Variants in ANO3 observed in about 807,000 individuals in gnomAD.
The protein encoded by ANO3 is anoctamin 3, also known as anoctamin-3.
ANO3 carries 99 observed loss-of-function variants against 144.8 expected under a neutral mutation model. The ratio of observed to expected loss-of-function variants is 0.68; its 90% CI spans 0.58 to 0.81. The LOEUF is 0.81. Among genes scored for constraint, ANO3 ranks in the 30% least tolerant of loss-of-function variants. The pLI, the probability that ANO3 is intolerant of heterozygous loss-of-function variation, is 0.00. For missense variants in ANO3, 905 were observed against 1,202.2 expected (o/e 0.75, Z 3.66); for synonymous variants, 414 against 392.6 (o/e 1.05, Z -0.64).
chr11:26,250,875 A>G (rs886925532), intron 1 of ANO3, among the ~76,000 whole-genome samples: 9 of 152,326 alleles, frequency 5.9e-5, no homozygotes, highest in African/African-American at 2.2e-4. Context: ...TCTACCTACT[A>G]AATATAGCTA....
upstream of ANO3, among the ~76,000 whole-genome samples, chr11:26,329,286 TTC>T (rs1364802005): frequency 1.4e-5 from 2 of 143,004 alleles, no homozygotes; most frequent in East Asian, 4.4e-4. Context: ...AAAACGTACT[TTC>T]TTTCTTTACA....
chr11:26,358,638 A>C (rs532433297), intron 1 of ANO3, among the ~76,000 whole-genome samples: 1 of 152,262 alleles, frequency 6.6e-6, no homozygotes, highest in South Asian at 2.1e-4. Flanking sequence ...CTTCTTAAAT[A>C]TGTGGGTGTA....
chr11:26,544,251 C>CATACATATATATATATATATATAT (rs1849721118), intron 11 of ANO3, among the ~76,000 whole-genome samples: 2 of 38,454 alleles, frequency 5.2e-5, no homozygotes, highest in African/African-American at 1.3e-4. Context: ...TTTCATTATA[C>CATACATATATATATATATATATAT]ATATATATAT....
In ANO3 at chr11:26,373,020, T is replaced by G. The variant is rs144910932; in HGVS notation, c.46+40699T>G. 5.1e-3 allele frequency among the ~76,000 whole-genome samples: 781 copies of G among 152,340 alleles called. 5 individuals are homozygous for G. The highest frequency in any genetic ancestry group is 8.2e-3 in the Non-Finnish European group (561 of 68,026). On this transcript the variant is annotated intron_variant, in intron 1 of 26. Transcript: ENST00000256737. ...TTTACTACCTAGAAATTACAACTTT[T>G]GTCACATTGGTTTATTCTGTTCATT...
At chr11:26,207,649 A>G (rs1289378392) in intron 1 of ANO3, among the ~76,000 whole-genome samples, 1 of 152,206 alleles carries the variant, frequency 6.6e-6, no homozygotes, top group Non-Finnish European at 1.5e-5. Flanking sequence ...ATATATTAAC[A>G]AGATCACACA....
chr11:26,656,453 C>A lies in ANO3; in HGVS notation c.2735C>A (p.Ala912Asp). 1 of 1,610,052 alleles carries A rather than the reference C, an allele frequency of 6.2e-7. No homozygotes were observed. Among genetic ancestry groups the A allele is most frequent in the Non-Finnish European group, 8.5e-7 (1 of 1,176,418 alleles). The change falls in exon 26 of 27, where the codon GCT (alanine) becomes GAT (aspartate). Residue 912 changes from alanine (A) to aspartate (D), a missense_variant. Around this residue, in one of 4 missense-constraint regions of ANO3, gnomAD observed 597 missense variants for 865.1 expected, o/e 0.69. Coordinates refer to ENST00000256737, the MANE Select transcript of ANO3 (RefSeq NM_031418.4). ...TTACAATACTGGCATATCCTTGCTG[C>A]TAGATTGGCCTTCATTATTGTGTTT... ...FTLQYWHILA[A>D]RLAFIIVFEH...
chr11:26,503,776 G>C (rs10501056), intron 4 of ANO3, among the ~76,000 whole-genome samples: 87,626 of 151,992 alleles, frequency 0.58, 25,813 homozygotes, highest in East Asian at 0.68. Context: ...TTCTGGGAGA[G>C]TTTAGCATTT....
At chr11:26,218,213 C>A (rs1390298292) in intron 1 of ANO3, among the ~76,000 whole-genome samples, 1 of 151,976 alleles carries the variant, frequency 6.6e-6, no homozygotes, top group Admixed American at 6.6e-5. Context: ...TAGATCATGG[C>A]CCCCTATCGC....
In ANO3 at chr11:26,452,230, G is replaced by A. The variant is rs1293763740; in HGVS notation, c.313+8394G>A. ...CACCAGCAATGGAACAAAGCTGGAC[G>A]GAGAATGACTTTGACGAGCTGAGAG... On this transcript the variant is annotated intron_variant, in intron 3 of 26. Transcript: ENST00000256737. Among the ~76,000 whole-genome samples, 24 of 152,334 alleles carry A rather than the reference G, an allele frequency of 1.6e-4. 1 individual carries two copies. The highest frequency in any genetic ancestry group is 2.6e-4 in the Admixed American group (4 of 15,302).
chr11:26,197,298 GTC>G (rs1491192493), intron 1 of ANO3, among the ~76,000 whole-genome samples: 1 of 152,140 alleles, frequency 6.6e-6, no homozygotes, highest in Non-Finnish European at 1.5e-5. Context: ...AGAAAACACT[GTC>G]TGTATTGAAT....
chr11:26,347,506 T>C (rs1394961975), intron 1 of ANO3, among the ~76,000 whole-genome samples: 1 of 152,204 alleles, frequency 6.6e-6, no homozygotes, highest in African/African-American at 2.4e-5. Flanking sequence ...CATGGTAATC[T>C]CAGGAAGGAG....
intron 1 of ANO3, among the ~76,000 whole-genome samples, chr11:26,198,334 G>A (rs557149475): frequency 6.6e-6 from 1 of 152,074 alleles, no homozygotes; most frequent in African/African-American, 2.4e-5. Flanking sequence ...TCCATGCTAT[G>A]GACTTCTGAA....
Position 26,293,121 on chromosome 11 carries a change from A to G in ANO3, c.155-16524A>G, listed in dbSNP as rs150856881. Reference sequence around the variant, plus strand: ...CTTTAATCCAAATCCTCTAATGAATATATTTAATACCCATTTTAAAAGGTG... The same window carrying G: ...CTTTAATCCAAATCCTCTAATGAATGTATTTAATACCCATTTTAAAAGGTG... On this transcript the variant is annotated intron_variant, in intron 1 of 27. Coordinates refer to the ANO3 transcript ENST00000672621. 2.3e-3 allele frequency among the ~76,000 whole-genome samples: 351 copies of G among 152,314 alleles called. 3 individuals are homozygous for G. Among genetic ancestry groups the G allele is most frequent in the Non-Finnish European group, 3.9e-3 (262 of 68,018 alleles).
In ANO3 at chr11:26,235,588, T is replaced by G. The variant is rs1290477224; in HGVS notation, c.154+46258T>G. Among the ~76,000 whole-genome samples, 4 of 136,180 alleles carry G rather than the reference T, an allele frequency of 2.9e-5. No homozygotes were observed. The East Asian group carries it at 8.3e-4, about 28-fold the overall frequency. The allele number at this position is 136,180 out of a possible 152,430, so 89.3% of individuals were successfully genotyped here. A position where few individuals can be genotyped will look rare whatever the true frequency, so the allele number is the denominator to read the frequency against. On this transcript the variant is annotated intron_variant, in intron 1 of 27. Coordinates refer to the ANO3 transcript ENST00000672621. ...AAGCCTATTAGCTAAAGTTTAACAA[T>G]GTATACTTTTTTTTTTTTTTTTTGG...
intron 1 of ANO3, among the ~76,000 whole-genome samples, chr11:26,357,452 C>G (rs1855810965): frequency 6.6e-6 from 1 of 151,978 alleles, no homozygotes; most frequent in African/African-American, 2.4e-5. Flanking sequence ...TTGAATTTTC[C>G]TAATGACTCA....
intron 1 of ANO3, among the ~76,000 whole-genome samples, chr11:26,293,530 CATGTAT>C (rs61440306): frequency 0.15 from 9,626 of 62,136 alleles, 1,718 homozygotes; most frequent in Middle Eastern, 0.23. Flanking sequence ...CTATAAATTC[CATGTAT>C]ATATATATAT....
At chr11:26,368,792 A>G (rs1276230840) in intron 1 of ANO3, among the ~76,000 whole-genome samples, 1 of 152,162 alleles carries the variant, frequency 6.6e-6, no homozygotes, top group East Asian at 1.9e-4. Context: ...ATAGTGATTT[A>G]TGATATTATC....
chr11:26,518,333 A>G (rs891518008), intron 6 of ANO3, among the ~76,000 whole-genome samples: 3 of 152,070 alleles, frequency 2.0e-5, no homozygotes, highest in African/African-American at 4.8e-5. Flanking sequence ...TCTTTGCTCA[A>G]ATTTATTCTC....
At chr11:26,198,471 C>A (rs1851631445) in intron 1 of ANO3, among the ~76,000 whole-genome samples, 1 of 151,812 alleles carries the variant, frequency 6.6e-6, no homozygotes, top group Non-Finnish European at 1.5e-5. Context: ...AGCGTTCTGG[C>A]CTTTTGGTAG....
Sources: gnomAD v4.1 joint callset for allele counts (sites outside exome capture counted in the v4.1 genomes callset) on GRCh38, gnomAD v4.1.1 for gene constraint, gnomAD v4.1.1 regional missense constraint, MANE v1.5 for transcripts, NCBI Gene and HGNC (gene_info 2026-07-23, HGNC 2026-07-21) for gene names.